The following HPSE2 variants were observed in gnomAD, a reference collection of about 807,000 sequenced individuals.
HPSE2 encodes the protein inactive heparanase-2.
HPSE2 carries 38 observed loss-of-function variants against 60.5 expected under a neutral mutation model. The ratio of observed to expected loss-of-function variants is 0.63; its 90% CI spans 0.48 to 0.82. HPSE2 has a LOEUF of 0.82. Ranked by LOEUF, HPSE2 falls within the 40% of genes least tolerant of loss-of-function variation. HPSE2 has a pLI of 0.00. For missense variants in HPSE2, 713 were observed against 740.4 expected (o/e 0.96, Z 0.43); for synonymous variants, 295 against 293.2 (o/e 1.01, Z -0.06).
intron 3 of HPSE2, among the ~76,000 whole-genome samples, chr10:99,099,927 G>C (rs1479818578): frequency 6.6e-6 from 1 of 152,172 alleles, no homozygotes; most frequent in African/African-American, 2.4e-5. Flanking sequence ...CTGCAGCTGA[G>C]GGTCCTGACT....
chr10:99,184,522 CAAAAAAAA>C (rs200059066), intron 2 of HPSE2, among the ~76,000 whole-genome samples: 1 of 60,768 alleles, frequency 1.6e-5, no homozygotes, highest in African/African-American at 1.2e-4. Flanking sequence ...GAGACTGTCT[CAAAAAAAA>C]AAAAAAAAAA....
At chr10:99,143,506 C>T (rs1246620009) in intron 3 of HPSE2, among the ~76,000 whole-genome samples, 2 of 152,110 alleles carry the variant, frequency 1.3e-5, no homozygotes, top group African/African-American at 4.8e-5. Context: ...ATCACTATAA[C>T]GTAGGTCTGC....
intron 1 of HPSE2, 39 bp from the exon 2 acceptor site, chr10:99,232,544 A>G: frequency 6.5e-7 from 1 of 1,548,202 alleles, no homozygotes; most frequent in Non-Finnish European, 8.7e-7. Context: ...GGTTCCCAGG[A>G]CAGGACGAGA....
chr10:98,982,044 T>C (rs1389061440), intron 3 of HPSE2, among the ~76,000 whole-genome samples: 1 of 152,164 alleles, frequency 6.6e-6, no homozygotes, highest in Non-Finnish European at 1.5e-5. Context: ...TCTATCCTTT[T>C]TTTTTTTCAA....
intron 4 of HPSE2, among the ~76,000 whole-genome samples, chr10:98,735,512 A>G (rs558954621): frequency 6.6e-6 from 1 of 151,866 alleles, no homozygotes; most frequent in South Asian, 2.1e-4. Flanking sequence ...TAGAGCCATG[A>G]GAAGAGGGCC....
intron 2 of HPSE2, among the ~76,000 whole-genome samples, chr10:99,202,431 T>C (rs1322184596): frequency 6.6e-6 from 1 of 152,214 alleles, no homozygotes; most frequent in Non-Finnish European, 1.5e-5. Context: ...TAACCATGTA[T>C]TGTTGAAGAC....
chr10:98,544,071 T>C (rs1943568165), intron 9 of HPSE2, among the ~76,000 whole-genome samples: 1 of 151,574 alleles, frequency 6.6e-6, no homozygotes, highest in South Asian at 2.1e-4. Context: ...ATTGACCACA[T>C]AGTTGGAAGT....
chr10:98,673,374 TA>T (rs1947555754), intron 6 of HPSE2, among the ~76,000 whole-genome samples: 3 of 152,130 alleles, frequency 2.0e-5, no homozygotes, highest in Admixed American at 1.3e-4. Flanking sequence ...TCTTTGCTCA[TA>T]AAAAAAGACA....
At position 98,709,788 on chromosome 10, in the gene HPSE2, A is replaced by C. The variant is rs151252575; in HGVS notation, c.956+11869T>G. Among the ~76,000 whole-genome samples, 209 of 152,304 alleles carry C rather than the reference A, an allele frequency of 1.4e-3. 2 individuals carry two copies. The highest frequency in any genetic ancestry group is 4.8e-3 in the African/African-American group (199 of 41,578). ...TGAGCCTTCTCTCCCAGGGCATATC[A>C]CAGCTCTCTATTATAATAAGGCCCA... is the stretch of plus-strand genomic sequence containing the variant. On this transcript the variant is annotated intron_variant, in intron 5 of 11. Transcript: ENST00000370552.
At chr10:99,291,177 T>G in the HPSE2 span, among the ~76,000 whole-genome samples, 2 of 152,090 alleles carry the variant, frequency 1.3e-5, no homozygotes, top group Admixed American at 1.3e-4. Context: ...TAACATGAAT[T>G]AGCACACAAG....
intron 2 of HPSE2, among the ~76,000 whole-genome samples, chr10:99,159,417 T>C (rs1290002205): frequency 1.3e-5 from 2 of 152,186 alleles, no homozygotes; most frequent in Non-Finnish European, 2.9e-5. Flanking sequence ...GTGAAACAGT[T>C]ATGCATTCTG....
At chr10:98,557,689 G>A (rs1365219741) in intron 9 of HPSE2, among the ~76,000 whole-genome samples, 2 of 152,162 alleles carry the variant, frequency 1.3e-5, no homozygotes, top group African/African-American at 2.4e-5. Flanking sequence ...GGTGGCTCAC[G>A]CCTGCAATCC....
intron 2 of HPSE2, among the ~76,000 whole-genome samples, chr10:99,219,652 T>G (rs1401667254): frequency 6.6e-6 from 1 of 152,252 alleles, no homozygotes; most frequent in Non-Finnish European, 1.5e-5. Context: ...AGCCCTGTTA[T>G]TTTGAGCAAC....
At chr10:99,065,407 C>A (rs1842581858) in intron 3 of HPSE2, among the ~76,000 whole-genome samples, 1 of 151,660 alleles carries the variant, frequency 6.6e-6, no homozygotes, top group Admixed American at 6.6e-5. Context: ...ATGTGAAAAA[C>A]AAATTTACAT....
Position 99,168,087 on chromosome 10 carries a change from TACACACACACACACACACAC to T in HPSE2, c.449-23708_449-23689del, listed in dbSNP as rs56393224. On this transcript the variant is annotated intron_variant, in intron 2 of 11. Transcript: ENST00000370552. ...CATCTATTGAGGTGATCAGCCTATT[TACACACACACACACACACAC>T]ACACACACACACACACACACGGCTT... Among the ~76,000 whole-genome samples the T allele has an allele frequency of 1.2e-4, 18 of 144,728 alleles. No homozygotes were observed. The South Asian group carries it at 3.8e-3, about 30-fold the overall frequency. 94.9% of individuals were successfully genotyped at this position (144,728 alleles called of 152,430 possible). A position where few individuals can be genotyped will look rare whatever the true frequency, so the allele number is the denominator to read the frequency against.
chr10:98,705,200 A>G (rs903765737), intron 5 of HPSE2, among the ~76,000 whole-genome samples: 34 of 152,232 alleles, frequency 2.2e-4, no homozygotes, highest in African/African-American at 6.8e-4. Context: ...CAAAACCACA[A>G]TGAGATACCA....
chr10:98,662,026 C>A (rs1294968830), intron 6 of HPSE2, among the ~76,000 whole-genome samples: 1 of 152,194 alleles, frequency 6.6e-6, no homozygotes, highest in African/African-American at 2.4e-5. Context: ...TCCTGAGTAG[C>A]TGGGACTACA....
At chr10:98,879,889 T>TGTG (rs1952977406) in intron 3 of HPSE2, among the ~76,000 whole-genome samples, 1 of 95,820 alleles carries the variant, frequency 1.0e-5, no homozygotes, top group Non-Finnish European at 2.4e-5. Context: ...GTGTGTGTGA[T>TGTG]GTGTTTCTGC....
chr10:98,629,823 G>T (rs551939793), intron 7 of HPSE2, among the ~76,000 whole-genome samples: 6 of 152,288 alleles, frequency 3.9e-5, no homozygotes, highest in African/African-American at 1.2e-4. Flanking sequence ...ATTGAAAACA[G>T]TGATTTGGGA....
Sources: gnomAD v4.1 joint callset for allele counts (sites outside exome capture counted in the v4.1 genomes callset) on GRCh38, gnomAD v4.1.1 for gene constraint, MANE v1.5 for transcripts, NCBI Gene and HGNC (gene_info 2026-07-23, HGNC 2026-07-21) for gene names.